SEMA5A: variants seen among roughly 807,000 people sequenced by gnomAD.
SEMA5A encodes semaphorin 5A, also known as semaphorin-5A.
In SEMA5A, 55 loss-of-function variants were observed where a neutral mutation model predicts 135.5. The observed-to-expected ratio is 0.41, with a 90% confidence interval of 0.33 to 0.51. The LOEUF is 0.51. Ranked by LOEUF, SEMA5A falls within the 20% of genes least tolerant of loss-of-function variation. The pLI is 0.37. For synonymous variants in SEMA5A, 580 were observed against 546.5 expected (o/e 1.06, Z -0.85); for missense variants, 1,290 against 1,419.9 (o/e 0.91, Z 1.47).
chr5:9,132,469 C>T (rs937162191), intron 13 of SEMA5A, among the ~76,000 whole-genome samples: 23 of 152,164 alleles, frequency 1.5e-4, no homozygotes, highest in Admixed American at 5.9e-4. Flanking sequence ...TTCTTCTAGG[C>T]GGGACACAGC....
intron 5 of SEMA5A, among the ~76,000 whole-genome samples, chr5:9,271,719 A>G (rs1173305987): frequency 2.0e-5 from 3 of 152,166 alleles, no homozygotes; most frequent in Non-Finnish European, 4.4e-5. Context: ...GTGCAACCCA[A>G]GGAGGGCAAG....
chr5:9,060,060 C>G (rs1355074912), intron 18 of SEMA5A, among the ~76,000 whole-genome samples: 1 of 152,112 alleles, frequency 6.6e-6, no homozygotes, highest in Non-Finnish European at 1.5e-5. Context: ...CCAACCCTCC[C>G]TGCTGGGTCA....
At chr5:9,328,441 T>A (rs765164394) in intron 4 of SEMA5A, among the ~76,000 whole-genome samples, 17 of 152,170 alleles carry the variant, frequency 1.1e-4, no homozygotes, top group Non-Finnish European at 2.5e-4. Context: ...TTAGCAGAGG[T>A]TCTCAAATTT....
rs73044775 is a variant in SEMA5A, at chr5:9,202,520, C to T, written c.647-280G>A. On this transcript the variant is annotated intron_variant, in intron 8 of 22. Transcript: ENST00000382496. ...CAAGTTAATGGGACGTTAATACCAA[C>T]AAAAATTGGCAGCAAATATTTGCAG... is the stretch of plus-strand genomic sequence containing the variant. Among the ~76,000 whole-genome samples the T allele has an allele frequency of 3.4e-3, 516 of 152,254 alleles. 1 individual carries two copies. The highest frequency in any genetic ancestry group is 0.012 in the African/African-American group (483 of 41,570).
chr5:9,504,011 T>C (rs1352914764), intron 1 of SEMA5A, among the ~76,000 whole-genome samples: 1 of 151,658 alleles, frequency 6.6e-6, no homozygotes, highest in African/African-American at 2.4e-5. Context: ...GGTCAGGGAT[T>C]TGAGACTAGC....
chr5:9,496,268 C>A (rs1179332398), intron 1 of SEMA5A, among the ~76,000 whole-genome samples: 1 of 152,180 alleles, frequency 6.6e-6, no homozygotes, highest in Non-Finnish European at 1.5e-5. Flanking sequence ...TGGTCTCAAA[C>A]TCCTGACCTC....
intron 16 of SEMA5A, among the ~76,000 whole-genome samples, chr5:9,070,750 A>G (rs1737729444): frequency 6.6e-6 from 1 of 152,200 alleles, no homozygotes; most frequent in Non-Finnish European, 1.5e-5. Context: ...TCATGGTTCA[A>G]AATTTAACAT....
Position 9,186,594 on chromosome 5 carries a change from G to A in SEMA5A, c.1273+3673C>T, listed in dbSNP as rs59213197. On this transcript the variant is annotated intron_variant, in intron 11 of 22. Transcript: ENST00000382496. ...CCCATGCTCTATCAGTTGATAACTC[G>A]TTTAACTCCTGGATATGGTATAGCA... 5.6e-3 allele frequency among the ~76,000 whole-genome samples: 852 copies of A among 152,256 alleles called. 5 individuals carry two copies. Among genetic ancestry groups the A allele is most frequent in the African/African-American group, 0.019 (798 of 41,540 alleles).
chr5:9,211,862 C>T (rs1199939086), intron 8 of SEMA5A, among the ~76,000 whole-genome samples: 1 of 152,128 alleles, frequency 6.6e-6, no homozygotes, highest in Non-Finnish European at 1.5e-5. Flanking sequence ...ATTATAATAG[C>T]TCATAAAAAA....
intron 16 of SEMA5A, among the ~76,000 whole-genome samples, chr5:9,082,966 T>C (rs1738471331): frequency 6.6e-6 from 1 of 152,246 alleles, no homozygotes; most frequent in Non-Finnish European, 1.5e-5. Context: ...AGGAAAATTA[T>C]CTTCTAAATA....
At chr5:9,056,725 T>TA (rs1736914878) in intron 18 of SEMA5A, among the ~76,000 whole-genome samples, 3 of 151,956 alleles carry the variant, frequency 2.0e-5, no homozygotes, top group African/African-American at 4.8e-5. Flanking sequence ...CATCACAAAA[T>TA]AAAAAAATGA....
intron 5 of SEMA5A, among the ~76,000 whole-genome samples, chr5:9,311,152 G>A (rs1051042379): frequency 2.2e-4 from 33 of 151,384 alleles, no homozygotes; most frequent in African/African-American, 8.0e-4. Context: ...TCAACGGGGG[G>A]GTCCTGCTCT....
At chr5:9,074,143 TAGAA>T (rs1467403459) in intron 16 of SEMA5A, among the ~76,000 whole-genome samples, 2 of 152,198 alleles carry the variant, frequency 1.3e-5, no homozygotes, top group Non-Finnish European at 2.9e-5. Context: ...AGCATCAAGA[TAGAA>T]AGACTGAGCA....
intron 16 of SEMA5A, among the ~76,000 whole-genome samples, chr5:9,093,935 G>A (rs253637): frequency 0.033 from 4,985 of 152,140 alleles, 291 homozygotes; most frequent in African/African-American, 0.11. Context: ...TAACTTGGCC[G>A]AGTCCTGCCC....
At chr5:9,207,416 C>A (rs1455897379) in intron 8 of SEMA5A, among the ~76,000 whole-genome samples, 4 of 152,030 alleles carry the variant, frequency 2.6e-5, no homozygotes, top group African/African-American at 9.7e-5. Flanking sequence ...AACTCCCAAC[C>A]TCAGGTGATC....
rs541584229 is a variant in SEMA5A at position 9,508,962 on chromosome 5, C to T, written c.-175+36622G>A. Among the ~76,000 whole-genome samples the T allele has an allele frequency of 5.3e-5, 8 of 152,254 alleles. No individual in the cohort carries two copies. The South Asian group carries it at 1.7e-3, about 32-fold the overall frequency. ...GCAACCCCAAGGATGCTTATCAGAA[C>T]TCTGCAGATTCAACAGTGAAAATGG... is the stretch of plus-strand genomic sequence containing the variant. On this transcript the variant is annotated intron_variant, in intron 1 of 22. Coordinates refer to ENST00000382496, the MANE Select transcript of SEMA5A (RefSeq NM_003966.3).
chr5:9,398,564 A>G (rs1418163837), intron 2 of SEMA5A, among the ~76,000 whole-genome samples: 2 of 152,228 alleles, frequency 1.3e-5, no homozygotes, highest in Non-Finnish European at 2.9e-5. Flanking sequence ...CAAGAGCCTC[A>G]GTAGAGTAGA....
intron 11 of SEMA5A, among the ~76,000 whole-genome samples, chr5:9,184,040 C>T (rs1380565911): frequency 6.6e-6 from 1 of 152,110 alleles, no homozygotes; most frequent in Non-Finnish European, 1.5e-5. Flanking sequence ...CTGAATTTAG[C>T]CCCTAATTAG....
At chr5:9,461,033 T>C (rs901228132) in intron 1 of SEMA5A, among the ~76,000 whole-genome samples, 6 of 152,226 alleles carry the variant, frequency 3.9e-5, no homozygotes, top group Non-Finnish European at 7.3e-5. Context: ...ACTCCAAAGA[T>C]GGATGAGAAA....
Sources: allele counts gnomAD v4.1 joint callset (sites outside exome capture counted in the v4.1 genomes callset), GRCh38; gene constraint gnomAD v4.1.1; transcripts MANE v1.5; gene names NCBI Gene and HGNC (gene_info 2026-07-23, HGNC 2026-07-21).